The following GPR155 variants were observed in gnomAD, a reference collection of about 807,000 sequenced individuals.
The protein encoded by GPR155 is lysosomal cholesterol signaling protein.
GPR155 carries 65 observed loss-of-function variants against 93.1 expected under a neutral mutation model. The observed-to-expected ratio is 0.70, with a 90% CI of 0.57 to 0.86. GPR155 has a LOEUF of 0.86. Among genes scored for constraint, GPR155 ranks in the 40% least tolerant of loss-of-function variants. The probability of loss-of-function intolerance (pLI) is 0.00; values close to 1 mark genes in which losing one functional copy is unlikely to be tolerated. For missense variants in GPR155, 838 were observed against 1,034.8 expected (o/e 0.81, Z 2.61); for synonymous variants, 319 against 360.1 (o/e 0.89, Z 1.29).
rs759621808 is a variant in GPR155 at position 174,481,610 on chromosome 2, A to T, written c.347T>A (p.Ile116Asn). ...AACCAATAAGGTTAATACACATACA[A>T]TGAAAAATACAGAAGCTTTGGCAAT... ...ILIAKASVFF[I>N]VCVLTLLVAS... Residue 116 changes from isoleucine to asparagine, a missense_variant, in exon 2 of 16, where the codon ATT becomes AAT. This residue lies in a region of GPR155 where 663 missense variants were observed against 790.1 expected (regional missense o/e 0.84). Coordinates refer to ENST00000392552, the MANE Select transcript of GPR155 (RefSeq NM_152529.7). The T allele has an allele frequency of 6.2e-7, 1 of 1,613,686 alleles. No homozygotes were observed. Among genetic ancestry groups the T allele is most frequent in the Non-Finnish European group, 8.5e-7 (1 of 1,179,614 alleles).
chr2:174,473,695 C>A (rs1415680664), intron 2 of GPR155, among the ~76,000 whole-genome samples: 10 of 152,138 alleles, frequency 6.6e-5, no homozygotes, highest in Admixed American at 6.6e-4. Flanking sequence ...AATCTAGGGA[C>A]AAACTAAACA....
intron 7 of GPR155, among the ~76,000 whole-genome samples, chr2:174,465,433 T>A (rs1256740781): frequency 1.3e-5 from 2 of 152,186 alleles, no homozygotes; most frequent in Non-Finnish European, 2.9e-5. Context: ...GACTCGATAG[T>A]GAGCTCTGGA....
At chr2:174,444,485 CCT>C (rs1491128186) in intron 13 of GPR155, among the ~76,000 whole-genome samples, 1 of 117,054 alleles carries the variant, frequency 8.5e-6, no homozygotes, top group African/African-American at 3.3e-5. Flanking sequence ...CCCAAAGTGA[CCT>C]TTTTTTTTTT....
intron 14 of GPR155, 82 bp downstream of exon 14, chr2:174,442,037 G>A (rs1442883461): frequency 2.5e-6 from 2 of 791,622 alleles, no homozygotes; most frequent in Non-Finnish European, 4.4e-6. Flanking sequence ...TAGCCACCAT[G>A]CATGGCCCCA....
At chr2:174,472,839 C>T (rs532245403) in intron 3 of GPR155, 126 bp downstream of exon 3, 134 of 703,686 alleles carry the variant, frequency 1.9e-4, no homozygotes, top group Non-Finnish European at 2.9e-4. Flanking sequence ...CTTTATCTCA[C>T]AACTATTCTA....
intron 14 of GPR155, 35 bp downstream of exon 14, chr2:174,442,084 T>G: frequency 9.7e-7 from 1 of 1,027,498 alleles, no homozygotes; most frequent in Non-Finnish European, 1.5e-6. Flanking sequence ...GTCATCACAT[T>G]TACAGATACA....
At chr2:174,441,157 A>G (rs1686946609) in intron 14 of GPR155, among the ~76,000 whole-genome samples, 2 of 152,078 alleles carry the variant, frequency 1.3e-5, no homozygotes, top group African/African-American at 4.8e-5. Context: ...TGTGGCATTT[A>G]GTGGTGTCTT....
intron 10 of GPR155, among the ~76,000 whole-genome samples, chr2:174,455,376 G>T (rs1048597120): frequency 8.9e-5 from 2 of 22,526 alleles, no homozygotes; most frequent in Admixed American, 8.5e-4. Flanking sequence ...GAATAGGCTC[G>T]GAGAGGGAAT....
At chr2:174,454,101 C>T (rs1687414872) in intron 10 of GPR155, among the ~76,000 whole-genome samples, 1 of 152,076 alleles carries the variant, frequency 6.6e-6, no homozygotes, top group Admixed American at 6.6e-5. Flanking sequence ...GCTGAGGTGG[C>T]AGGATCACTT....
At chr2:174,438,688 G>A (rs924050389) in intron 15 of GPR155, among the ~76,000 whole-genome samples, 2 of 152,012 alleles carry the variant, frequency 1.3e-5, no homozygotes, top group African/African-American at 4.8e-5. Context: ...TGTATTTTTA[G>A]TAGAGACAGG....
In GPR155 at chr2:174,482,521, A is replaced by G. The variant is rs139705812; in HGVS notation, c.-31-534T>C. On this transcript the variant is annotated intron_variant, in intron 1 of 15. Coordinates refer to ENST00000392552, the MANE Select transcript of GPR155 (RefSeq NM_152529.7). ...GAATATAGGATGGGAAGAAGGGTAT[A>G]GTAGAGCACTACTAATCAACTTTAA... is the stretch of plus-strand genomic sequence containing the variant. Among the ~76,000 whole-genome samples, 301 of 152,360 alleles carry G rather than the reference A, an allele frequency of 2.0e-3. 1 individual carries two copies. The highest frequency in any genetic ancestry group is 6.6e-3 in the African/African-American group (275 of 41,588).
chr2:174,463,195 G>C (rs2105712033), intron 7 of GPR155, among the ~76,000 whole-genome samples: 1 of 150,122 alleles, frequency 6.7e-6, no homozygotes, highest in African/African-American at 2.5e-5. Flanking sequence ...CATGATTTCA[G>C]AATTTACATT....
intron 4 of GPR155, 56 bp from the exon 5 acceptor site, chr2:174,469,123 A>G: frequency 6.8e-7 from 1 of 1,462,436 alleles, no homozygotes; most frequent in Non-Finnish European, 9.5e-7. Flanking sequence ...AGTATTTTAA[A>G]CTTTAAATAA....
rs1686684721 is a variant in GPR155 at position 174,433,136 on chromosome 2, TATAA to T, written c.*2976_*2979del. The T allele has an allele frequency of 6.6e-6, 1 of 152,172 alleles. No homozygotes were observed. The allele number at this position is 152,172 out of a possible 1,614,324, so 9.4% of individuals were successfully genotyped here. ...ATGACTCTAACCCTATAAATTATTTTATAAATAACTTTTTTACATGAGACACTTA... is the reference window on the plus strand; with the variant it reads ...ATGACTCTAACCCTATAAATTATTTTATAACTTTTTTACATGAGACACTTA... On this transcript the variant is annotated 3_prime_UTR_variant, in exon 16 of 16. Coordinates refer to ENST00000392552, the MANE Select transcript of GPR155 (RefSeq NM_152529.7).
intron 7 of GPR155, among the ~76,000 whole-genome samples, chr2:174,464,921 A>G (rs1424993941): frequency 6.6e-6 from 1 of 152,136 alleles, no homozygotes; most frequent in African/African-American, 2.4e-5. Context: ...GCATGAAATC[A>G]AAGGTCCGTC....
chr2:174,469,425 A>C (rs534720142), intron 4 of GPR155, among the ~76,000 whole-genome samples: 1 of 152,318 alleles, frequency 6.6e-6, no homozygotes, highest in African/African-American at 2.4e-5. Context: ...AAAGGAATTC[A>C]AAAAAAGAAA....
Position 174,473,352 on chromosome 2 carries a change from T to C in GPR155, c.473A>G (p.Tyr158Cys), listed in dbSNP as rs748810551. 9.5e-6 allele frequency: 15 copies of C among 1,578,236 alleles called. No homozygotes were observed. Among genetic ancestry groups the C allele is most frequent in the African/African-American group, 1.4e-5 (1 of 73,112 alleles). Residue 158 changes from tyrosine to cysteine, a missense_variant, in exon 3 of 16, where the codon TAT becomes TGT. Tyr to Cys is a radical substitution (Grantham distance 194). Coordinates refer to ENST00000392552, the MANE Select transcript of GPR155 (RefSeq NM_152529.7). ...ALGYPIVEAL[Y>C]QTTYPEYLQY... ...GAGATATTCTGGGTATGTAGTTTGA[T>C]ATAAAGCTTCAACTGCAAAACAAGA...
chr2:174,453,426 C>G (rs969073922), intron 11 of GPR155, among the ~76,000 whole-genome samples: 3 of 151,814 alleles, frequency 2.0e-5, no homozygotes, highest in Non-Finnish European at 2.9e-5. Context: ...TTTGGGAGGC[C>G]GAGGCAGGCA....
chr2:174,468,138 A>G (rs1384437287), intron 5 of GPR155, among the ~76,000 whole-genome samples: 4 of 152,176 alleles, frequency 2.6e-5, no homozygotes, highest in African/African-American at 9.7e-5. Flanking sequence ...ACTGAAATGT[A>G]TATGGTCTCT....
Sources: allele counts gnomAD v4.1 joint callset (sites outside exome capture counted in the v4.1 genomes callset), GRCh38; gene constraint gnomAD v4.1.1; regional missense constraint gnomAD v4.1.1; transcripts MANE v1.5; gene names NCBI Gene and HGNC (gene_info 2026-07-23, HGNC 2026-07-21).